The following AR variants were observed in gnomAD, a reference collection of about 807,000 sequenced individuals.
AR encodes androgen receptor.
In AR, 8 loss-of-function variants were observed where a neutral mutation model predicts 53.9. The ratio of observed to expected loss-of-function variants is 0.15; its 90% CI spans 0.09 to 0.27. AR has a LOEUF of 0.27. Among genes scored for constraint, AR ranks in the 10% least tolerant of loss-of-function variants. The pLI is 1.00. For synonymous variants in AR, 359 were observed against 316.4 expected (o/e 1.13, Z -1.43); for missense variants, 639 against 742.5 (o/e 0.86, Z 1.62).
At chrX:67,554,699 G>C (rs1930120538) in intron 1 of AR, among the ~76,000 whole-genome samples, 1 of 111,154 alleles carries the variant, frequency 9.0e-6, no homozygotes, top group Non-Finnish European at 1.9e-5. Flanking sequence ...ACTTTGGGAG[G>C]CCGAGGTGGG....
At chrX:67,643,526 C>T (rs1925898328) in intron 2 of AR, 119 bp downstream of exon 2, 1 of 1,013,015 alleles carries the variant, frequency 9.9e-7, no homozygotes, top group Admixed American at 2.8e-5. Flanking sequence ...TGGCAAGGCC[C>T]TATCAAATAA....
chrX:67,675,071 T>C (rs2075891411), intron 2 of AR, among the ~76,000 whole-genome samples: 1 of 110,561 alleles, frequency 9.0e-6, no homozygotes, highest in African/African-American at 3.3e-5. Context: ...TGGCCCAGTG[T>C]GTATCTAGAA....
At chrX:67,649,563 C>A (rs1324058950) in intron 2 of AR, among the ~76,000 whole-genome samples, 1 of 112,178 alleles carries the variant, frequency 8.9e-6, no homozygotes, top group Non-Finnish European at 1.9e-5. Flanking sequence ...TAATGATCGC[C>A]ATTCTAACTG....
intron 1 of AR, among the ~76,000 whole-genome samples, chrX:67,591,130 A>T (rs1336807016): frequency 9.0e-6 from 1 of 111,274 alleles, no homozygotes; most frequent in Non-Finnish European, 1.9e-5. Context: ...GAGAGAGAAA[A>T]AAATTTAAGT....
At chrX:67,618,525 C>T (rs1382887154) in intron 1 of AR, among the ~76,000 whole-genome samples, 3 of 111,243 alleles carry the variant, frequency 2.7e-5, no homozygotes, top group African/African-American at 9.8e-5. Context: ...CAAGGCTAGA[C>T]ACTGGAAATT....
At chrX:67,666,446 C>A (rs769909430) in intron 2 of AR, among the ~76,000 whole-genome samples, 2 of 111,765 alleles carry the variant, frequency 1.8e-5, no homozygotes, top group Non-Finnish European at 3.8e-5. Flanking sequence ...ACCACATTTT[C>A]TTCATCCATT....
intron 1 of AR, among the ~76,000 whole-genome samples, chrX:67,551,932 C>T (rs1930011727): frequency 9.0e-6 from 1 of 111,612 alleles, no homozygotes; most frequent in Non-Finnish European, 1.9e-5. Flanking sequence ...CAGCTCATCT[C>T]GATAAATTTA....
intron 1 of AR, among the ~76,000 whole-genome samples, chrX:67,631,913 C>G (rs763179022): frequency 6.1e-4 from 69 of 113,165 alleles, no homozygotes; most frequent in African/African-American, 2.1e-3. Flanking sequence ...AGGTGTCAGT[C>G]TGCCCCTGCT....
chrX:67,642,740 T>C (rs973103733), intron 1 of AR, among the ~76,000 whole-genome samples: 2 of 112,024 alleles, frequency 1.8e-5, no homozygotes, highest in African/African-American at 6.5e-5. Flanking sequence ...ATCTGATTTA[T>C]ATTACCACTC....
intron 3 of AR, among the ~76,000 whole-genome samples, chrX:67,690,049 T>C (rs2075987341): frequency 8.9e-6 from 1 of 111,785 alleles, no homozygotes; most frequent in Non-Finnish European, 1.9e-5. Flanking sequence ...TAAATGGTGT[T>C]GGTCCCTGTT....
chrX:67,610,569 G>A (rs1032959177), intron 1 of AR, among the ~76,000 whole-genome samples: 1 of 110,884 alleles, frequency 9.0e-6, no homozygotes, highest in Non-Finnish European at 1.9e-5. Flanking sequence ...TTAGATATAT[G>A]CATGGTATGT....
intron 2 of AR, chrX:67,680,819 A>G (rs979721401): frequency 1.5e-5 from 5 of 324,474 alleles, no homozygotes; most frequent in Non-Finnish European, 3.0e-5. Flanking sequence ...AACAACAGAA[A>G]TAGGAAGAAA....
chrX:67,663,221 G>A (rs943006747), intron 2 of AR, among the ~76,000 whole-genome samples: 3 of 111,691 alleles, frequency 2.7e-5, no homozygotes, highest in African/African-American at 9.8e-5. Flanking sequence ...TCCTAGCCTC[G>A]ACGGTCTTTA....
chrX:67,701,709 C>CAT (rs1257822895), intron 3 of AR, among the ~76,000 whole-genome samples: 1 of 109,528 alleles, frequency 9.1e-6, no homozygotes, highest in Non-Finnish European at 1.9e-5. Context: ...CACACACACA[C>CAT]ATGCACACAC....
intron 2 of AR, among the ~76,000 whole-genome samples, chrX:67,683,786 T>C (rs2147494263): frequency 8.9e-6 from 1 of 111,741 alleles, no homozygotes; most frequent in East Asian, 2.8e-4. Flanking sequence ...GTAAAGAATA[T>C]CTACGTTTTA....
At chrX:67,695,213 G>GT in intron 3 of AR, 5 of 755,186 alleles carry the variant, frequency 6.6e-6, no homozygotes, top group Non-Finnish European at 7.8e-6. Context: ...ATCTTTATTT[G>GT]TGTATTAGGC....
chrX:67,567,296 A>G (rs1457119619), intron 1 of AR, among the ~76,000 whole-genome samples: 1 of 111,579 alleles, frequency 9.0e-6, no homozygotes, highest in Non-Finnish European at 1.9e-5. Context: ...TTCAGGAAAA[A>G]TGAGTTTGGG....
At chrX:67,686,220 G>A in intron 3 of AR, 94 bp downstream of exon 3, 1 of 943,722 alleles carries the variant, frequency 1.1e-6, no homozygotes, top group East Asian at 3.3e-5. Context: ...CTTCTTTGAT[G>A]CTTCCAAGGG....
chrX:67,631,598 G>A (rs1925120975), intron 1 of AR, among the ~76,000 whole-genome samples: 1 of 111,828 alleles, frequency 8.9e-6, no homozygotes, highest in Non-Finnish European at 1.9e-5. Context: ...TCCTCCCATA[G>A]CTTGGAGTAA....
Sources: allele counts gnomAD v4.1 joint callset (sites outside exome capture counted in the v4.1 genomes callset), GRCh38; gene constraint gnomAD v4.1.1; transcripts MANE v1.5; gene names NCBI Gene and HGNC (gene_info 2026-07-23, HGNC 2026-07-21).